Variants in PDE11A observed in about 807,000 individuals in gnomAD.
PDE11A encodes phosphodiesterase 11A, also known as dual 3',5'-cyclic-AMP and -GMP phosphodiesterase 11A.
Under a neutral mutation model 100.5 loss-of-function variants are expected in PDE11A, and 100 were observed. The ratio of observed to expected loss-of-function variants is 1.00; its 90% CI spans 0.85 to 1.18. The LOEUF (loss-of-function observed/expected upper bound fraction) is 1.18. Ranked by LOEUF, PDE11A falls within the 50% of genes most tolerant of loss-of-function variation. PDE11A has a pLI of 0.00. For missense variants in PDE11A, 1,141 were observed against 1,152.6 expected (o/e 0.99, Z 0.15); for synonymous variants, 381 against 420.8 (o/e 0.91, Z 1.16).
At chr2:177,786,133 A>T (rs2082533649) in intron 9 of PDE11A, among the ~76,000 whole-genome samples, 1 of 152,228 alleles carries the variant, frequency 6.6e-6, no homozygotes, top group Non-Finnish European at 1.5e-5. Flanking sequence ...ACTGGGAGGC[A>T]TCCCCCAGTA....
chr2:177,695,298 G>T (rs2081095579), intron 15 of PDE11A, among the ~76,000 whole-genome samples: 1 of 152,048 alleles, frequency 6.6e-6, no homozygotes, highest in Non-Finnish European at 1.5e-5. Flanking sequence ...CTGTCACCTT[G>T]AATATTTATC....
intron 2 of PDE11A, among the ~76,000 whole-genome samples, chr2:178,086,452 C>A (rs1177930985): frequency 6.6e-6 from 1 of 152,128 alleles, no homozygotes; most frequent in Non-Finnish European, 1.5e-5. Context: ...ATTGAATAAA[C>A]TAATGAATGG....
intron 2 of PDE11A, among the ~76,000 whole-genome samples, chr2:177,908,597 C>T (rs1402521716): frequency 1.3e-5 from 2 of 152,156 alleles, no homozygotes; most frequent in Non-Finnish European, 2.9e-5. Flanking sequence ...TAATGAGACA[C>T]AGAACTGCTC....
At chr2:177,922,437 A>G (rs918910907) in intron 2 of PDE11A, among the ~76,000 whole-genome samples, 1 of 152,106 alleles carries the variant, frequency 6.6e-6, no homozygotes, top group African/African-American at 2.4e-5. Context: ...AAAGTATAAT[A>G]ATAATAAAAT....
At chr2:177,632,804 T>G (rs553465887) in intron 19 of PDE11A, among the ~76,000 whole-genome samples, 14 of 152,280 alleles carry the variant, frequency 9.2e-5, no homozygotes, top group Non-Finnish European at 1.6e-4. Flanking sequence ...GGAAGTGACT[T>G]ACCCACTGAC....
At chr2:177,920,162 G>C (rs1468283952) in intron 2 of PDE11A, among the ~76,000 whole-genome samples, 1 of 151,950 alleles carries the variant, frequency 6.6e-6, no homozygotes, top group Admixed American at 6.6e-5. Context: ...CATTGTGAAA[G>C]GCCTTTCCAA....
chr2:177,677,705 T>C (rs574888143), intron 16 of PDE11A, among the ~76,000 whole-genome samples: 3 of 152,178 alleles, frequency 2.0e-5, no homozygotes, highest in Admixed American at 6.5e-5. Flanking sequence ...GGATGGAAGA[T>C]TGCAAAGGAA....
chr2:178,040,483 A>G (rs1054829236), intron 1 of PDE11A, among the ~76,000 whole-genome samples: 1 of 152,190 alleles, frequency 6.6e-6, no homozygotes, highest in African/African-American at 2.4e-5. Context: ...AAGGCAATGG[A>G]CAATATAATG....
At chr2:177,804,321 G>GA (rs35996255) in intron 9 of PDE11A, among the ~76,000 whole-genome samples, 31,953 of 151,480 alleles carry the variant, frequency 0.21, 3,541 homozygotes, top group Non-Finnish European at 0.24. Context: ...ACAAATACAT[G>GA]AAAAAAATGT....
At chr2:177,995,063 G>A (rs1190333091) in intron 2 of PDE11A, among the ~76,000 whole-genome samples, 1 of 152,222 alleles carries the variant, frequency 6.6e-6, no homozygotes, top group East Asian at 1.9e-4. Flanking sequence ...TCAGCTGTGA[G>A]TTTACAAATA....
intron 12 of PDE11A, among the ~76,000 whole-genome samples, chr2:177,714,199 TAGCC>T: frequency 1.3e-5 from 2 of 152,124 alleles, no homozygotes; most frequent in East Asian, 3.9e-4. Context: ...TTCACTGTGT[TAGCC>T]AGGATGGTCT....
intron 6 of PDE11A, among the ~76,000 whole-genome samples, chr2:177,838,376 A>G (rs1307251150): frequency 6.9e-6 from 1 of 144,644 alleles, no homozygotes; most frequent in Non-Finnish European, 1.6e-5. Context: ...TGTTATGTTT[A>G]TAAAGAAAAG....
Position 178,017,479 on chromosome 2 carries a change from T to A in PDE11A, c.913-3019A>T, listed in dbSNP as rs549767139. On this transcript the variant is annotated intron_variant, in intron 1 of 19. Transcript: ENST00000286063. Reference sequence around the variant, plus strand: ...TGATACAATCTATATAATACCACAATACTTAAAAATAATACTAAATATCAT... The same window carrying A: ...TGATACAATCTATATAATACCACAAAACTTAAAAATAATACTAAATATCAT... 3.6e-4 allele frequency among the ~76,000 whole-genome samples: 55 copies of A among 152,270 alleles called. No individual in the cohort carries two copies. In the South Asian group the frequency reaches 0.011, roughly 31 times the overall value.
chr2:178,088,353 G>A (rs986869216), intron 2 of PDE11A, among the ~76,000 whole-genome samples: 5 of 152,192 alleles, frequency 3.3e-5, no homozygotes, highest in Admixed American at 3.3e-4. Flanking sequence ...ACAACATATT[G>A]TAGGACACAA....
chr2:177,834,621 A>C (rs1366209120), intron 6 of PDE11A, among the ~76,000 whole-genome samples: 1 of 152,146 alleles, frequency 6.6e-6, no homozygotes, highest in Non-Finnish European at 1.5e-5. Context: ...GCACCCACGC[A>C]GTCTTCCCTT....
At chr2:177,880,508 C>T (rs1246063435) in intron 4 of PDE11A, among the ~76,000 whole-genome samples, 1 of 152,204 alleles carries the variant, frequency 6.6e-6, no homozygotes, top group African/African-American at 2.4e-5. Flanking sequence ...TTTTCCTAGA[C>T]TCTGCCCCAT....
intron 2 of PDE11A, among the ~76,000 whole-genome samples, chr2:178,101,658 A>C (rs911192014): frequency 1.3e-5 from 2 of 152,160 alleles, no homozygotes; most frequent in Non-Finnish European, 2.9e-5. Context: ...TCATCTTATT[A>C]ACATAAACTC....
intron 2 of PDE11A, among the ~76,000 whole-genome samples, chr2:177,943,278 T>C (rs1392666023): frequency 2.6e-5 from 4 of 152,234 alleles, no homozygotes; most frequent in Non-Finnish European, 1.5e-5. Context: ...CTACTTTTAA[T>C]TTTTTAAAGA....
intron 19 of PDE11A, among the ~76,000 whole-genome samples, chr2:177,655,841 T>C (rs998186131): frequency 6.6e-6 from 1 of 152,258 alleles, no homozygotes; most frequent in African/African-American, 2.4e-5. Context: ...TTATAATTTC[T>C]CGAAATCATA....
Sources: allele counts gnomAD v4.1 joint callset (sites outside exome capture counted in the v4.1 genomes callset), GRCh38; gene constraint gnomAD v4.1.1; transcripts MANE v1.5; gene names NCBI Gene and HGNC (gene_info 2026-07-23, HGNC 2026-07-21).